TMPRSS5: variants seen among roughly 807,000 people sequenced by gnomAD.
The protein encoded by TMPRSS5 is transmembrane protease serine 5.
In TMPRSS5, 45 loss-of-function variants were observed where a neutral mutation model predicts 59.7. The ratio of observed to expected loss-of-function variants is 0.75; its 90% CI spans 0.59 to 0.97. The LOEUF is 0.97. TMPRSS5 is among the 50% of genes least tolerant of loss of function. The pLI is 0.00. For synonymous variants in TMPRSS5, 225 were observed against 232.0 expected (o/e 0.97, Z 0.27); for missense variants, 585 against 596.7 (o/e 0.98, Z 0.20).
chr11:113,701,999 C>A (rs1340070237), intron 1 of TMPRSS5, among the ~76,000 whole-genome samples: 1 of 152,088 alleles, frequency 6.6e-6, no homozygotes, highest in Non-Finnish European at 1.5e-5. Context: ...TTCCCCTCCC[C>A]ATGTCCATGT....
At chr11:113,698,674 G>C (rs1159401387) in intron 4 of TMPRSS5, among the ~76,000 whole-genome samples, 2 of 152,180 alleles carry the variant, frequency 1.3e-5, no homozygotes, top group African/African-American at 4.8e-5. Flanking sequence ...CTGCCAGCCT[G>C]GTCTCCGGAC....
chr11:113,688,320 T>A, intron 12 of TMPRSS5, 46 bp from the exon 13 acceptor site: 4 of 1,343,194 alleles, frequency 3.0e-6, no homozygotes, highest in East Asian at 5.0e-5. Flanking sequence ...GGCTCTACAC[T>A]AGCCAAGCGA....
chr11:113,703,913 G>A (rs1311366648), intron 1 of TMPRSS5, among the ~76,000 whole-genome samples: 1 of 152,156 alleles, frequency 6.6e-6, no homozygotes, highest in Non-Finnish European at 1.5e-5. Context: ...CCAGTCTCAG[G>A]CAGTTCTTCA....
chr11:113,699,513 C>T (rs1953060963), intron 3 of TMPRSS5, 82 bp downstream of exon 3: 1 of 1,165,728 alleles, frequency 8.6e-7, no homozygotes, highest in Non-Finnish European at 1.2e-6. Context: ...AGACAGTTGT[C>T]CCATTTACCT....
chr11:113,694,400 A>G, intron 8 of TMPRSS5, 78 bp downstream of exon 8: 2 of 1,474,726 alleles, frequency 1.4e-6, no homozygotes, highest in Non-Finnish European at 1.8e-6. Context: ...GGACACGAAC[A>G]TTTGATACAG....
intron 9 of TMPRSS5, among the ~76,000 whole-genome samples, chr11:113,691,829 C>T (rs979905747): frequency 2.7e-5 from 4 of 148,978 alleles, no homozygotes; most frequent in Middle Eastern, 3.7e-3. Context: ...CTAATATAGT[C>T]GTATTTTTCT....
In TMPRSS5 at chr11:113,700,060, G is replaced by C. The variant is rs1307772056; in HGVS notation, c.106+6C>G. Reference sequence around the variant, plus strand: ...TGTCATTCCCCTATGGCCCAGTCTGGCCTACTGGGATGCTGCTGGTCTCCA... The same window carrying C: ...TGTCATTCCCCTATGGCCCAGTCTGCCCTACTGGGATGCTGCTGGTCTCCA... On this transcript the variant is annotated splice_donor_region_variant and intron_variant, in intron 2 of 12. Transcript: ENST00000299882. 2 of 1,559,910 alleles carry C rather than the reference G, an allele frequency of 1.3e-6. No homozygotes were observed. The highest frequency in any genetic ancestry group is 2.7e-5 in the African/African-American group (2 of 73,650).
chr11:113,697,024 G>T, intron 5 of TMPRSS5, 53 bp from the exon 6 acceptor site: 2 of 1,358,674 alleles, frequency 1.5e-6, no homozygotes, highest in South Asian at 1.2e-5. Flanking sequence ...GAATATGTAC[G>T]AGATATAATA....
intron 10 of TMPRSS5, 35 bp downstream of exon 10, chr11:113,690,806 C>G (rs761160755): frequency 2.6e-6 from 4 of 1,536,690 alleles, no homozygotes; most frequent in Non-Finnish European, 3.5e-6. Flanking sequence ...CTCCCACACC[C>G]GCCCCTGCAC....
At chr11:113,698,521 A>T (rs1473628366) in intron 4 of TMPRSS5, among the ~76,000 whole-genome samples, 1 of 151,948 alleles carries the variant, frequency 6.6e-6, no homozygotes, top group African/African-American at 2.4e-5. Context: ...CAGGAGAGGG[A>T]GAGTGGGGAT....
intron 12 of TMPRSS5, among the ~76,000 whole-genome samples, chr11:113,689,519 C>T (rs532060815): frequency 2.0e-5 from 3 of 152,164 alleles, no homozygotes; most frequent in South Asian, 4.2e-4. Flanking sequence ...TGCCAAAGGT[C>T]GACACAGGAA....
intron 3 of TMPRSS5, 61 bp from the exon 4 acceptor site, chr11:113,699,088 C>A (rs1426548496): frequency 2.6e-6 from 4 of 1,564,398 alleles, no homozygotes; most frequent in Non-Finnish European, 2.6e-6. Flanking sequence ...AGGTGCTGAC[C>A]TCCTCATCAG....
chr11:113,699,143 G>A lies in TMPRSS5; in HGVS notation c.206-116C>T, dbSNP rs1416646025. The A allele has an allele frequency of 4.6e-6, 5 of 1,084,536 alleles. No homozygotes were observed. The South Asian group carries it at 6.3e-5, about 14-fold the overall frequency. The allele number at this position is 1,084,536 out of a possible 1,614,324, so 67.2% of individuals were successfully genotyped here. A position where few individuals can be genotyped will look rare whatever the true frequency, so the allele number is the denominator to read the frequency against. Reference sequence around the variant, plus strand: ...CTCCCCAACCAACCTGCTGAGGAGGGGCATAGCGCTCCATCTCTCTCGGCC... The same window carrying A: ...CTCCCCAACCAACCTGCTGAGGAGGAGCATAGCGCTCCATCTCTCTCGGCC... On this transcript the variant is annotated intron_variant, in intron 3 of 12. Transcript: ENST00000299882.
In TMPRSS5 at chr11:113,688,152, T is replaced by G; in HGVS notation, c.*108A>C. ...CTCACACACAGTAGTAGGAGGTCCATGCGTTCTGTGTCGGAGGCTACTGCC... is the reference window on the plus strand; with the variant it reads ...CTCACACACAGTAGTAGGAGGTCCAGGCGTTCTGTGTCGGAGGCTACTGCC... On this transcript the variant is annotated 3_prime_UTR_variant, in exon 13 of 13. Transcript: ENST00000299882. 6.8e-7 allele frequency: 1 copy of G among 1,474,574 alleles called. No homozygotes were observed. Among genetic ancestry groups the G allele is most frequent in the Non-Finnish European group, 9.0e-7 (1 of 1,112,088 alleles). The allele number at this position is 1,474,574 out of a possible 1,614,324, so 91.3% of individuals were successfully genotyped here.
chr11:113,690,176 G>GGCCCCCCCCCCCC, intron 11 of TMPRSS5, 55 bp downstream of exon 11: 6 of 388,222 alleles, frequency 1.5e-5, no homozygotes, highest in East Asian at 9.4e-5. Context: ...CAGGCCCCCT[G>GGCCCCCCCCCCCC]CCCTCCCACC....
intron 9 of TMPRSS5, among the ~76,000 whole-genome samples, 188 bp downstream of exon 9, chr11:113,692,883 G>C (rs866181531): frequency 2.0e-5 from 3 of 152,122 alleles, no homozygotes; most frequent in Admixed American, 6.5e-5. Flanking sequence ...AAAAGAGCCT[G>C]TACAAGAGTT....
chr11:113,688,292 G>A lies in TMPRSS5; in HGVS notation c.1360-18C>T. On this transcript the variant is annotated intron_variant, in intron 12 of 12. Coordinates refer to ENST00000299882, the MANE Select transcript of TMPRSS5 (RefSeq NM_030770.4). ...AGGGAGTCCTAGACCAAAAGGGAAA[G>A]GAACTGATTCACAGCATGGCTCTAC... 6.5e-7 allele frequency: 1 copy of A among 1,544,874 alleles called. No homozygotes were observed. Among genetic ancestry groups the A allele is most frequent in the South Asian group, 1.2e-5 (1 of 84,558 alleles).
In TMPRSS5 at chr11:113,696,843, C is replaced by T. The variant is rs377253050; in HGVS notation, c.578+15G>A. ...GTAAGGGACCCCACTCACCTAACAG[C>T]CTCAGTAGTCCTACCTGGGCTGCCA... On this transcript the variant is annotated intron_variant, in intron 6 of 12. Transcript: ENST00000299882. 2.8e-5 allele frequency: 43 copies of T among 1,539,692 alleles called. No individual in the cohort carries two copies. The African/African-American group carries it at 5.6e-4, about 20-fold the overall frequency.
chr11:113,699,262 T>TCTCCCCCCCC (rs1565263703), intron 3 of TMPRSS5, among the ~76,000 whole-genome samples: 15 of 93,258 alleles, frequency 1.6e-4, no homozygotes, highest in Admixed American at 6.0e-4. Context: ...TCTCTCTCTC[T>TCTCCCCCCCC]CTCTCTCTCC....
Sources: gnomAD v4.1 joint callset for allele counts (sites outside exome capture counted in the v4.1 genomes callset) on GRCh38, gnomAD v4.1.1 for gene constraint, MANE v1.5 for transcripts, NCBI Gene and HGNC (gene_info 2026-07-23, HGNC 2026-07-21) for gene names.